Variants in NAV3 observed in about 807,000 individuals in gnomAD.
NAV3 encodes neuron navigator 3, also known as pore membrane and/or filament interacting like protein 1.
Under a neutral mutation model 244.7 loss-of-function variants are expected in NAV3, and 87 were observed. The ratio of observed to expected loss-of-function variants is 0.36; its 90% CI spans 0.30 to 0.42. The LOEUF (loss-of-function observed/expected upper bound fraction) is 0.42. Ranked by LOEUF, NAV3 falls within the 20% of genes least tolerant of loss-of-function variation. The pLI is 1.00. For synonymous variants in NAV3, 1,126 were observed against 1,042.2 expected, an observed-to-expected ratio of 1.08 and a Z score of -1.55; for missense variants, 2,663 against 2,893.3, an observed-to-expected ratio of 0.92 and a Z score of 1.83.
At chr12:77,590,229 A>G (rs578106346) in intron 2 of NAV3, among the ~76,000 whole-genome samples, 1 of 152,170 alleles carries the variant, frequency 6.6e-6, no homozygotes, top group Non-Finnish European at 1.5e-5. Context: ...CAGAACTTGG[A>G]TGGGTGGAGG....
At chr12:77,817,662 T>C (rs1872573649) in intron 2 of NAV3, among the ~76,000 whole-genome samples, 1 of 152,142 alleles carries the variant, frequency 6.6e-6, no homozygotes, top group Admixed American at 6.6e-5. Context: ...CATTTCACTT[T>C]TATTATAATT....
intron 7 of NAV3, among the ~76,000 whole-genome samples, chr12:78,004,149 A>G (rs1015882125): frequency 5.3e-5 from 8 of 152,222 alleles, no homozygotes; most frequent in Admixed American, 5.2e-4. Context: ...ATGATTGAAA[A>G]CAAATTATCT....
At chr12:78,117,687 A>C (rs779052081) in intron 13 of NAV3, among the ~76,000 whole-genome samples, 28 of 152,010 alleles carry the variant, frequency 1.8e-4, no homozygotes, top group Admixed American at 6.6e-5. Flanking sequence ...TGATCTCTGA[A>C]ATATATCACT....
chr12:78,017,201 T>C (rs1876369725), intron 8 of NAV3, among the ~76,000 whole-genome samples: 1 of 152,150 alleles, frequency 6.6e-6, no homozygotes, highest in African/African-American at 2.4e-5. Context: ...ACTTGGCACA[T>C]ATTAAGTGCA....
At chr12:78,199,857 GCT>G (rs144925985) in intron 37 of NAV3, among the ~76,000 whole-genome samples, 1,878 of 152,132 alleles carry the variant, frequency 0.012, 34 homozygotes, top group African/African-American at 0.042. Context: ...TGGCTAAATA[GCT>G]CATGTCAAAT....
intron 9 of NAV3, among the ~76,000 whole-genome samples, chr12:78,033,105 GA>G (rs796710086): frequency 7.4e-4 from 113 of 152,222 alleles, no homozygotes; most frequent in African/African-American, 2.5e-3. Flanking sequence ...AACCATTTTA[GA>G]AATAGAAGAA....
intron 3 of NAV3, among the ~76,000 whole-genome samples, chr12:77,954,568 T>C (rs1891191693): frequency 6.6e-6 from 1 of 152,210 alleles, no homozygotes; most frequent in South Asian, 2.1e-4. Context: ...AAGAGTTTTG[T>C]ATATGGAGTA....
intron 22 of NAV3, among the ~76,000 whole-genome samples, chr12:78,154,315 A>G (rs1338051980): frequency 7.5e-6 from 1 of 133,074 alleles, no homozygotes; most frequent in Non-Finnish European, 1.6e-5. Context: ...AATATATAGT[A>G]TATATATAGT....
intron 2 of NAV3, among the ~76,000 whole-genome samples, chr12:77,672,031 G>A (rs1290558903): frequency 6.6e-6 from 1 of 151,994 alleles, no homozygotes; most frequent in Non-Finnish European, 1.5e-5. Context: ...ATATCCAGAA[G>A]CTACAAAGAA....
intron 30 of NAV3, 107 bp from the exon 31 acceptor site, chr12:78,185,494 C>G (rs932976030): frequency 1.1e-6 from 1 of 929,748 alleles, no homozygotes; most frequent in African/African-American, 1.7e-5. Context: ...GAATGGGAAG[C>G]AAATCCCATT....
At chr12:77,693,458 A>T (rs936257698) in intron 2 of NAV3, among the ~76,000 whole-genome samples, 1 of 151,946 alleles carries the variant, frequency 6.6e-6, no homozygotes, top group Non-Finnish European at 1.5e-5. Flanking sequence ...TATCAGTTGA[A>T]TGACTACTTT....
chr12:78,075,147 G>C (rs1464662803), intron 12 of NAV3, among the ~76,000 whole-genome samples: 1 of 152,108 alleles, frequency 6.6e-6, no homozygotes, highest in East Asian at 1.9e-4. Context: ...CGTGCTTACT[G>C]ACTGCAAGTC....
At chr12:77,617,181 T>G (rs1565738588) in intron 2 of NAV3, among the ~76,000 whole-genome samples, 1 of 152,234 alleles carries the variant, frequency 6.6e-6, no homozygotes, top group Non-Finnish European at 1.5e-5. Flanking sequence ...TAAATTTTGG[T>G]AAATTATTGA....
intron 12 of NAV3, among the ~76,000 whole-genome samples, chr12:78,084,596 T>C (rs1953529700): frequency 6.6e-6 from 1 of 151,184 alleles, no homozygotes; most frequent in South Asian, 2.1e-4. Context: ...CTCTCTCTCT[T>C]TCTCTCTCTC....
intron 22 of NAV3, among the ~76,000 whole-genome samples, chr12:78,149,478 A>G (rs2139237247): frequency 6.6e-6 from 1 of 152,242 alleles, no homozygotes. Context: ...CCAGGATGGC[A>G]GAAATGATGA....
rs2137997034 is a variant in NAV3 at position 77,968,719 on chromosome 12, G to A, written c.671+17G>A. On this transcript the variant is annotated intron_variant, in intron 5 of 39. Transcript: ENST00000397909. Reference sequence around the variant, plus strand: ...GCAGTCCAGGTAAGGAAAGGAAGTAGGGAATGTGTTTCCAATTAGTTTGTG... The same window carrying A: ...GCAGTCCAGGTAAGGAAAGGAAGTAAGGAATGTGTTTCCAATTAGTTTGTG... 2.5e-6 allele frequency: 4 copies of A among 1,603,120 alleles called. No homozygotes were observed. The highest frequency in any genetic ancestry group is 3.4e-6 in the Non-Finnish European group (4 of 1,173,112).
chr12:77,791,036 T>C (rs1230194343), intron 2 of NAV3, among the ~76,000 whole-genome samples: 1 of 152,180 alleles, frequency 6.6e-6, no homozygotes, highest in Admixed American at 6.5e-5. Context: ...GTTGGTGCTT[T>C]CTTTGTTCCT....
chr12:77,868,371 A>G (rs1880407467), intron 1 of NAV3, among the ~76,000 whole-genome samples: 1 of 152,146 alleles, frequency 6.6e-6, no homozygotes, highest in Admixed American at 6.5e-5. Context: ...ACTTTGAACT[A>G]AGAGGAAAAA....
rs1592919622 is a variant in NAV3 at position 77,893,395 on chromosome 12, G to A, written c.244-46924G>A. Among the ~76,000 whole-genome samples the A allele has an allele frequency of 2.0e-5, 3 of 152,250 alleles. 1 individual carries two copies. In the Middle Eastern group the frequency reaches 0.01, roughly 518 times the overall value. On this transcript the variant is annotated intron_variant, in intron 1 of 39. Coordinates refer to ENST00000397909, the MANE Select transcript of NAV3 (RefSeq NM_001024383.2). ...GAAGTTTTTTCTCAAGCATAAAACT[G>A]AGAGAAGGGATTGAGATTGTTAAAC...
Sources: gnomAD v4.1 joint callset for allele counts (sites outside exome capture counted in the v4.1 genomes callset) on GRCh38, gnomAD v4.1.1 for gene constraint, MANE v1.5 for transcripts, NCBI Gene and HGNC (gene_info 2026-07-23, HGNC 2026-07-21) for gene names.